AGTPBP1: variants seen among roughly 807,000 people sequenced by gnomAD.
AGTPBP1 encodes cytosolic carboxypeptidase 1.
AGTPBP1 carries 70 observed loss-of-function variants against 143.9 expected under a neutral mutation model. That is an observed-to-expected ratio of 0.49 (90% CI 0.40 to 0.59). AGTPBP1 has a LOEUF of 0.59. Among genes scored for constraint, AGTPBP1 ranks in the 20% least tolerant of loss-of-function variants. The probability of loss-of-function intolerance (pLI) is 0.00; values close to 1 mark genes in which losing one functional copy is unlikely to be tolerated. For synonymous variants in AGTPBP1, 463 were observed against 500.2 expected (o/e 0.93, Z 0.99); for missense variants, 1,229 against 1,464.5 (o/e 0.84, Z 2.62).
At chr9:85,560,326 C>A (rs886610812) in intron 25 of AGTPBP1, among the ~76,000 whole-genome samples, 1 of 152,178 alleles carries the variant, frequency 6.6e-6, no homozygotes, top group African/African-American at 2.4e-5. Flanking sequence ...AAAACAAGAA[C>A]CAGCTAAAAG....
chr9:85,756,807 G>A, the AGTPBP1 span, among the ~76,000 whole-genome samples: 10 of 152,038 alleles, frequency 6.6e-5, no homozygotes, highest in African/African-American at 1.9e-4. Flanking sequence ...ATGGATGAAC[G>A]TTGAACACCT....
chr9:85,701,339 C>A (rs1224209405), intron 2 of AGTPBP1, among the ~76,000 whole-genome samples: 3 of 151,750 alleles, frequency 2.0e-5, no homozygotes, highest in Non-Finnish European at 2.9e-5. Context: ...AAGCGATTCT[C>A]CTGCCTCAGC....
At chr9:85,603,549 T>C (rs749004064) in intron 17 of AGTPBP1, among the ~76,000 whole-genome samples, 7 of 152,274 alleles carry the variant, frequency 4.6e-5, no homozygotes, top group East Asian at 1.9e-4. Context: ...GGGTGAGACA[T>C]AGAGCCATGC....
intron 9 of AGTPBP1, among the ~76,000 whole-genome samples, chr9:85,659,066 C>A (rs923458781): frequency 6.6e-6 from 1 of 151,682 alleles, no homozygotes; most frequent in Non-Finnish European, 1.5e-5. Flanking sequence ...TTCCCAATAG[C>A]CTAAATGGAA....
intron 1 of AGTPBP1, among the ~76,000 whole-genome samples, chr9:85,723,879 A>T (rs1050443700): frequency 1.3e-5 from 2 of 152,124 alleles, no homozygotes; most frequent in Non-Finnish European, 2.9e-5. Flanking sequence ...CTTCCCTCCC[A>T]CCATGTGAGC....
intron 25 of AGTPBP1, among the ~76,000 whole-genome samples, chr9:85,572,004 G>GTGTTTT (rs1827509214): frequency 4.6e-5 from 2 of 43,430 alleles, no homozygotes; most frequent in Non-Finnish European, 1.0e-4. Context: ...GTTTGTGTGT[G>GTGTTTT]TTTTTTTTTT....
the AGTPBP1 span, among the ~76,000 whole-genome samples, chr9:85,790,338 C>G: frequency 7.7e-4 from 117 of 152,270 alleles, 1 homozygote; most frequent in African/African-American, 2.6e-3. Context: ...AGCAGGCTGA[C>G]TTTTCATAGG....
intron 13 of AGTPBP1, among the ~76,000 whole-genome samples, chr9:85,637,591 G>T (rs188592488): frequency 2.0e-4 from 30 of 152,272 alleles, no homozygotes; most frequent in African/African-American, 6.5e-4. Context: ...TTTATAAGAA[G>T]TTCTAAAACA....
chr9:85,667,043 T>C (rs1834175190), intron 8 of AGTPBP1, among the ~76,000 whole-genome samples: 1 of 152,102 alleles, frequency 6.6e-6, no homozygotes, highest in African/African-American at 2.4e-5. Context: ...CTTACTTGTA[T>C]CCTAGGGCCA....
At chr9:85,642,758 TC>T in intron 13 of AGTPBP1, 68 bp downstream of exon 13, 1 of 1,201,966 alleles carries the variant, frequency 8.3e-7, no homozygotes, top group Non-Finnish European at 1.2e-6. Flanking sequence ...ACAGTGATTA[TC>T]GACCTAAGGG....
At chr9:85,715,043 T>C (rs765821948) in intron 1 of AGTPBP1, among the ~76,000 whole-genome samples, 5 of 151,978 alleles carry the variant, frequency 3.3e-5, no homozygotes, top group Admixed American at 6.6e-5. Flanking sequence ...GGTTGGGAGT[T>C]CAGGACCAGC....
At chr9:85,555,687 GCGAGGTGGCACTAGGGGGAAGACC>G (rs1461579425) in intron 25 of AGTPBP1, among the ~76,000 whole-genome samples, 1 of 152,200 alleles carries the variant, frequency 6.6e-6, no homozygotes, top group Non-Finnish European at 1.5e-5. Flanking sequence ...AGCGAGGGGG[GCGAGGTGGCACTAGGGGGAAGACC>G]CACTTAGAAT....
At chr9:85,733,316 A>G (rs901951162) in intron 1 of AGTPBP1, among the ~76,000 whole-genome samples, 1 of 152,238 alleles carries the variant, frequency 6.6e-6, no homozygotes, top group African/African-American at 2.4e-5. Flanking sequence ...TTAGAAATCA[A>G]TCTGAGAAAG....
chr9:85,788,798 A>G, the AGTPBP1 span, among the ~76,000 whole-genome samples: 1 of 150,700 alleles, frequency 6.6e-6, no homozygotes, highest in Non-Finnish European at 1.5e-5. Context: ...ACACTTGTAT[A>G]TATACATAGA....
rs185671359 is a variant in AGTPBP1 at position 85,558,895 on chromosome 9, A to G, written c.3504-11609T>C. 2.1e-3 allele frequency among the ~76,000 whole-genome samples: 320 copies of G among 152,338 alleles called. 1 individual carries two copies. The highest frequency in any genetic ancestry group is 6.4e-3 in the African/African-American group (268 of 41,574). ...TGGCCTCCCAAAGTGCTGGGATTAC[A>G]GGCGTGAGCCACTGCACCTGGCCAT... is the stretch of plus-strand genomic sequence containing the variant. On this transcript the variant is annotated intron_variant, in intron 25 of 25. Coordinates refer to ENST00000357081, the MANE Select transcript of AGTPBP1 (RefSeq NM_001330701.2).
At chr9:85,651,373 A>G (rs977677553) in intron 11 of AGTPBP1, among the ~76,000 whole-genome samples, 3 of 152,226 alleles carry the variant, frequency 2.0e-5, no homozygotes, top group African/African-American at 7.2e-5. Flanking sequence ...TTTTCATTTT[A>G]GAAATGCAAG....
rs531066979 is a variant in AGTPBP1, at chr9:85,675,274, T to C, written c.436+2162A>G. 2.6e-5 allele frequency among the ~76,000 whole-genome samples: 4 copies of C among 152,330 alleles called. No homozygotes were observed. The East Asian group carries it at 7.7e-4, about 29-fold the overall frequency. ...TTTGTGCAAGTAGACAACCGTAAAC[T>C]GAACTTGAGTTCTAGTCAAAGGGTG... On this transcript the variant is annotated intron_variant, in intron 6 of 25. Coordinates refer to ENST00000357081, the MANE Select transcript of AGTPBP1 (RefSeq NM_001330701.2).
At chr9:85,785,635 T>C in the AGTPBP1 span, 5 of 162,384 alleles carry the variant, frequency 3.1e-5, no homozygotes, top group African/African-American at 1.2e-4. Flanking sequence ...CCTGCTATCA[T>C]GCTGGGAGTG....
intron 1 of AGTPBP1, among the ~76,000 whole-genome samples, chr9:85,717,223 G>A (rs1837762676): frequency 6.6e-6 from 1 of 152,160 alleles, no homozygotes; most frequent in Non-Finnish European, 1.5e-5. Flanking sequence ...AACTGAACAG[G>A]CTGGGTGCAG....
Sources: gnomAD v4.1 joint callset for allele counts (sites outside exome capture counted in the v4.1 genomes callset) on GRCh38, gnomAD v4.1.1 for gene constraint, MANE v1.5 for transcripts, NCBI Gene and HGNC (gene_info 2026-07-23, HGNC 2026-07-21) for gene names.